Variants in NRXN1 observed in about 807,000 individuals in gnomAD.
NRXN1 encodes the protein neurexin 1.
Under a neutral mutation model 150.9 loss-of-function variants are expected in NRXN1, and 39 were observed. The observed-to-expected ratio is 0.26, with a 90% CI of 0.20 to 0.34. The LOEUF is 0.34. Ranked by LOEUF, NRXN1 falls within the 10% of genes least tolerant of loss-of-function variation. The pLI, the probability that NRXN1 is intolerant of heterozygous loss-of-function variation, is 1.00. For missense variants in NRXN1, 1,815 were observed against 1,949.9 expected, an observed-to-expected ratio of 0.93 and a Z score of 1.30; for synonymous variants, 924 against 757.0, an observed-to-expected ratio of 1.22 and a Z score of -3.62.
intron 2 of NRXN1, among the ~76,000 whole-genome samples, chr2:50,991,697 T>C (rs1698569123): frequency 6.6e-6 from 1 of 152,014 alleles, no homozygotes; most frequent in Non-Finnish European, 1.5e-5. Flanking sequence ...TCTGACATCA[T>C]GTACTAAATT....
intron 9 of NRXN1, among the ~76,000 whole-genome samples, chr2:50,539,105 T>A (rs992210640): frequency 7.1e-6 from 1 of 141,304 alleles, no homozygotes; most frequent in African/African-American, 2.8e-5. Context: ...TTTCACAGAT[T>A]ACCTATGTCA....
chr2:50,393,240 C>T (rs935941595), intron 17 of NRXN1, among the ~76,000 whole-genome samples: 3 of 151,958 alleles, frequency 2.0e-5, no homozygotes, highest in African/African-American at 7.2e-5. Context: ...TCTTTAACAT[C>T]CAAAGCGCTA....
At chr2:50,841,528 TC>T (rs767951140) in intron 5 of NRXN1, among the ~76,000 whole-genome samples, 4 of 152,184 alleles carry the variant, frequency 2.6e-5, no homozygotes, top group Non-Finnish European at 5.9e-5. Context: ...ACTGCTAAAA[TC>T]CCTTTATTTG....
At chr2:50,549,951 CAT>C (rs1667195312) in intron 9 of NRXN1, among the ~76,000 whole-genome samples, 1 of 151,890 alleles carries the variant, frequency 6.6e-6, no homozygotes, top group African/African-American at 2.4e-5. Flanking sequence ...GACATGCACA[CAT>C]ATATAGACAC....
chr2:50,397,260 A>G (rs113831465), intron 17 of NRXN1, among the ~76,000 whole-genome samples: 7 of 152,264 alleles, frequency 4.6e-5, no homozygotes, highest in African/African-American at 1.7e-4. Context: ...AGTGGCGATC[A>G]GTGACGCTGC....
rs1204291158 is a variant in NRXN1 at position 49,975,007 on chromosome 2, T to A, written c.4129-31216A>T. Among the ~76,000 whole-genome samples the A allele has an allele frequency of 1.3e-4, 19 of 151,722 alleles. No individual in the cohort carries two copies. In the East Asian group the frequency reaches 3.7e-3, roughly 29 times the overall value. ...ATCTGGAATACCATATGGAACTATA[T>A]CCCCAAATACATCTGTTTCCAGTGA... On this transcript the variant is annotated intron_variant, in intron 21 of 22. Transcript: ENST00000401669.
chr2:50,227,092 T>G (rs2064456747), intron 18 of NRXN1, among the ~76,000 whole-genome samples: 1 of 151,808 alleles, frequency 6.6e-6, no homozygotes, highest in South Asian at 2.1e-4. Flanking sequence ...TTTAAATACT[T>G]TAACCTAATT....
At chr2:50,607,742 C>CAA (rs71955231) in intron 8 of NRXN1, among the ~76,000 whole-genome samples, 14 of 108,340 alleles carry the variant, frequency 1.3e-4, no homozygotes, top group South Asian at 3.1e-4. Flanking sequence ...CTCTAAAAAT[C>CAA]AAAAAAAAAA....
rs76229653 is a variant in NRXN1, at chr2:50,571,351, T to C, written c.1321-18326A>G. Reference sequence around the variant, plus strand: ...GTTTGAAGAATTGTATTAAGTTTCCTGGGTCTTAAGAAGAAGTGGCTTCTA... The same window carrying C: ...GTTTGAAGAATTGTATTAAGTTTCCCGGGTCTTAAGAAGAAGTGGCTTCTA... On this transcript the variant is annotated intron_variant, in intron 8 of 22. Coordinates refer to ENST00000401669, the MANE Select transcript of NRXN1 (RefSeq NM_001330078.2). Among the ~76,000 whole-genome samples the C allele has an allele frequency of 3.1e-3, 467 of 152,278 alleles. 3 individuals carry two copies. Among genetic ancestry groups the C allele is most frequent in the African/African-American group, 0.011 (450 of 41,576 alleles).
chr2:50,538,750 T>C, intron 9 of NRXN1, 114 bp from the exon 10 acceptor site: 1 of 817,118 alleles, frequency 1.2e-6, no homozygotes, highest in African/African-American at 1.9e-5. Context: ...ACAATTATTA[T>C]TATTCTTTCT....
In NRXN1 at chr2:49,995,878, AAAAAAG is replaced by A. The variant is rs1446844974; in HGVS notation, c.4129-52093_4129-52088del. Among the ~76,000 whole-genome samples, 48 of 141,414 alleles carry A rather than the reference AAAAAAG, an allele frequency of 3.4e-4. 8 individuals are homozygous for A. The highest frequency in any genetic ancestry group is 6.1e-4 in the African/African-American group (24 of 39,340). 92.8% of individuals were successfully genotyped at this position (141,414 alleles called of 152,430 possible). On this transcript the variant is annotated intron_variant, in intron 21 of 22. Transcript: ENST00000401669. ...CTGGATAGTAAAAAAAAAAAAAAAA[AAAAAAG>A]AAAAAAGGATTTAGAGAGCCTAAGT...
chr2:50,000,029 T>C (rs1248943706), intron 21 of NRXN1, among the ~76,000 whole-genome samples: 1 of 152,178 alleles, frequency 6.6e-6, no homozygotes, highest in Non-Finnish European at 1.5e-5. Context: ...TTGGGTGATG[T>C]TTGCACTGAA....
At chr2:50,789,911 G>T (rs1705691955) in intron 5 of NRXN1, among the ~76,000 whole-genome samples, 1 of 152,136 alleles carries the variant, frequency 6.6e-6, no homozygotes, top group South Asian at 2.1e-4. Context: ...AATTCCTCAA[G>T]TCCTACGTTT....
intron 18 of NRXN1, among the ~76,000 whole-genome samples, chr2:50,181,100 T>G (rs536071877): frequency 1.3e-5 from 2 of 152,218 alleles, no homozygotes; most frequent in African/African-American, 4.8e-5. Flanking sequence ...TTTAAGGTAT[T>G]CACAATAACG....
At chr2:50,110,491 CAAAAAA>C (rs5831088) in intron 18 of NRXN1, among the ~76,000 whole-genome samples, 1 of 85,626 alleles carries the variant, frequency 1.2e-5, no homozygotes, top group African/African-American at 4.5e-5. Context: ...GACTCTGTCT[CAAAAAA>C]AAAAAAAAAA....
At position 50,154,809 on chromosome 2, in the gene NRXN1, T is replaced by C. The variant is rs190406293; in HGVS notation, c.3547-63315A>G. 3.3e-5 allele frequency among the ~76,000 whole-genome samples: 5 copies of C among 151,786 alleles called. No individual in the cohort carries two copies. In the East Asian group the frequency reaches 7.8e-4, roughly 24 times the overall value. On this transcript the variant is annotated intron_variant, in intron 18 of 22. Transcript: ENST00000401669. ...TGGAAAATAAAGACCAAGGAGGATT[T>C]TGAATACAAATTAAAATTTCATTGT...
At chr2:49,991,442 G>C (rs1173959159) in intron 21 of NRXN1, among the ~76,000 whole-genome samples, 2 of 151,832 alleles carry the variant, frequency 1.3e-5, no homozygotes, top group African/African-American at 4.8e-5. Flanking sequence ...CAATGAACAA[G>C]TAATATTCAA....
intron 5 of NRXN1, chr2:50,898,660 C>T: frequency 2.4e-6 from 1 of 414,516 alleles, no homozygotes; most frequent in Non-Finnish European, 4.7e-6. Flanking sequence ...TCCCACATTT[C>T]AAAAATTTAA....
intron 5 of NRXN1, among the ~76,000 whole-genome samples, chr2:50,824,217 A>G (rs774231798): frequency 6.6e-6 from 1 of 152,176 alleles, no homozygotes; most frequent in Non-Finnish European, 1.5e-5. Flanking sequence ...GTACTTGTTA[A>G]CATCCAATAT....
Sources: allele counts gnomAD v4.1 joint callset (sites outside exome capture counted in the v4.1 genomes callset), GRCh38; gene constraint gnomAD v4.1.1; transcripts MANE v1.5; gene names NCBI Gene and HGNC (gene_info 2026-07-23, HGNC 2026-07-21).